The following VPS35L variants were observed in gnomAD, a reference collection of about 807,000 sequenced individuals.
VPS35L encodes the protein VPS35 endosomal protein sorting factor like.
VPS35L carries 83 observed loss-of-function variants against 133.0 expected under a neutral mutation model. The observed-to-expected ratio is 0.62, with a 90% CI of 0.52 to 0.75. VPS35L has a LOEUF of 0.75. Among genes scored for constraint, VPS35L ranks in the 30% least tolerant of loss-of-function variants. The probability of loss-of-function intolerance (pLI) is 0.00; values close to 1 mark genes in which losing one functional copy is unlikely to be tolerated. For synonymous variants in VPS35L, 423 were observed against 449.9 expected (o/e 0.94, Z 0.76); for missense variants, 1,083 against 1,206.8 (o/e 0.90, Z 1.52).
At chr16:19,644,829 C>T in intron 22 of VPS35L, 57 bp from the exon 23 acceptor site, 13 of 1,306,298 alleles carry the variant, frequency 1.0e-5, no homozygotes, top group Admixed American at 6.3e-5. Context: ...GTATTTTTTT[C>T]TTTAGAAACT....
chr16:19,596,036 C>T (rs1435652742), intron 8 of VPS35L, among the ~76,000 whole-genome samples: 2 of 151,832 alleles, frequency 1.3e-5, no homozygotes, highest in Non-Finnish European at 2.9e-5. Flanking sequence ...CCCAGCTACT[C>T]GGGAAGCTGA....
chr16:19,630,779 TTA>T (rs1326004809), intron 18 of VPS35L, among the ~76,000 whole-genome samples: 1 of 151,716 alleles, frequency 6.6e-6, no homozygotes, highest in African/African-American at 2.4e-5. Flanking sequence ...ATGAAGGAGA[TTA>T]ATGCCCTTAT....
intron 29 of VPS35L, among the ~76,000 whole-genome samples, chr16:19,695,515 T>C (rs1335429828): frequency 6.6e-6 from 1 of 152,120 alleles, no homozygotes; most frequent in African/African-American, 2.4e-5. Flanking sequence ...TATGTGCACA[T>C]TTATTAGAAA....
chr16:19,662,792 T>C (rs1299865808), intron 26 of VPS35L, among the ~76,000 whole-genome samples: 1 of 152,140 alleles, frequency 6.6e-6, no homozygotes, highest in East Asian at 1.9e-4. Context: ...GCTTGCGTTT[T>C]TCCTATAATT....
chr16:19,578,896 T>A, intron 5 of VPS35L, 156 bp from the exon 6 acceptor site: 1 of 702,950 alleles, frequency 1.4e-6, no homozygotes, highest in Non-Finnish European at 2.5e-6. Context: ...TCTGGTTACA[T>A]AAGGAAGTTG....
chr16:19,576,859 A>G (rs1971556440), intron 5 of VPS35L, among the ~76,000 whole-genome samples: 1 of 151,966 alleles, frequency 6.6e-6, no homozygotes, highest in African/African-American at 2.4e-5. Context: ...GGTGTGCACC[A>G]CCAGGCCCAG....
Position 19,591,893 on chromosome 16 carries a change from C to T in VPS35L, c.724+19C>T, listed in dbSNP as rs377010695. The T allele has an allele frequency of 6.0e-4, 920 of 1,526,396 alleles. No homozygotes were observed. The highest frequency in any genetic ancestry group is 8.0e-4 in the Non-Finnish European group (877 of 1,100,880). The allele number at this position is 1,526,396 out of a possible 1,614,324, so 94.6% of individuals were successfully genotyped here. On this transcript the variant is annotated intron_variant, in intron 8 of 30. Coordinates refer to ENST00000417362, the MANE Select transcript of VPS35L (RefSeq NM_020314.7). ...ACATTTGGTAAGTACCTGTCATATG[C>T]ATCTTAGATCTAGGAAATGTGTTCG...
chr16:19,570,834 C>CATATATATATATATAT (rs58794831), intron 3 of VPS35L, among the ~76,000 whole-genome samples: 10 of 78,792 alleles, frequency 1.3e-4, no homozygotes, highest in Admixed American at 2.8e-4. Context: ...TGCTGTGTTT[C>CATATATATATATATAT]ATATATATAT....
At chr16:19,564,160 C>T (rs1971111314) in intron 1 of VPS35L, among the ~76,000 whole-genome samples, 1 of 152,064 alleles carries the variant, frequency 6.6e-6, no homozygotes, top group Non-Finnish European at 1.5e-5. Flanking sequence ...CTTACTGCAA[C>T]CTCCGCCTCC....
chr16:19,565,077 A>G (rs1971146570), intron 2 of VPS35L, 127 bp downstream of exon 2: 25 of 598,388 alleles, frequency 4.2e-5, no homozygotes, highest in Non-Finnish European at 6.4e-5. Context: ...TTTTTTTTTC[A>G]GAGTCTTGCT....
chr16:19,677,331 C>T (rs1282805112), intron 27 of VPS35L, among the ~76,000 whole-genome samples: 5 of 152,260 alleles, frequency 3.3e-5, no homozygotes, highest in African/African-American at 4.8e-5. Flanking sequence ...GATCCACCTG[C>T]CTCGGCCTCC....
intron 26 of VPS35L, among the ~76,000 whole-genome samples, chr16:19,664,108 T>G (rs1040691142): frequency 2.6e-5 from 4 of 152,154 alleles, no homozygotes; most frequent in South Asian, 4.1e-4. Context: ...ATTTTGCCAG[T>G]GAGCATCCCT....
intron 8 of VPS35L, among the ~76,000 whole-genome samples, chr16:19,597,539 T>G (rs1270885392): frequency 1.3e-5 from 2 of 152,166 alleles, no homozygotes; most frequent in East Asian, 3.9e-4. Context: ...GAAACTGCGC[T>G]CGGTACCTTC....
At chr16:19,621,359 A>G (rs1973075088) in intron 14 of VPS35L, among the ~76,000 whole-genome samples, 1 of 152,372 alleles carries the variant, frequency 6.6e-6, no homozygotes, top group Non-Finnish European at 1.5e-5. Context: ...TTCTTGATGC[A>G]TGTCGATGTT....
In VPS35L at chr16:19,598,697, G is replaced by A. The variant is rs144828996; in HGVS notation, c.725-2967G>A. ...TACTCAGGAGGCAGAGGTGGGAGGA[G>A]CCCCTGAGCCCAGGAAGTTGAGGCT... On this transcript the variant is annotated intron_variant, in intron 8 of 30. Coordinates refer to ENST00000417362, the MANE Select transcript of VPS35L (RefSeq NM_020314.7). Among the ~76,000 whole-genome samples the A allele has an allele frequency of 1.0e-3, 153 of 151,926 alleles. No homozygotes were observed. The Middle Eastern group carries it at 0.014, about 14-fold the overall frequency.
intron 1 of VPS35L, among the ~76,000 whole-genome samples, chr16:19,557,360 A>G (rs1213795807): frequency 6.6e-6 from 1 of 152,132 alleles, no homozygotes; most frequent in Non-Finnish European, 1.5e-5. Context: ...TAGGGTCTCT[A>G]TAGTTCCTAA....
At chr16:19,572,982 T>C (rs1332593527) in intron 3 of VPS35L, 137 bp from the exon 4 acceptor site, 6 of 1,054,290 alleles carry the variant, frequency 5.7e-6, no homozygotes, top group Non-Finnish European at 7.7e-6. Context: ...GCGCTGTAAT[T>C]TTTTTTATGA....
chr16:19,672,363 G>A (rs1412176803), intron 27 of VPS35L, among the ~76,000 whole-genome samples: 1 of 152,230 alleles, frequency 6.6e-6, no homozygotes, highest in African/African-American at 2.4e-5. Flanking sequence ...GAGCTCCAGT[G>A]GATCCAGGTT....
intron 27 of VPS35L, among the ~76,000 whole-genome samples, chr16:19,675,821 A>AT (rs1336393654): frequency 9.2e-5 from 14 of 151,598 alleles, no homozygotes; most frequent in Non-Finnish European, 1.8e-4. Flanking sequence ...AAGTGCTGAG[A>AT]TTACAGGCAT....
Sources: allele counts gnomAD v4.1 joint callset (sites outside exome capture counted in the v4.1 genomes callset), GRCh38; gene constraint gnomAD v4.1.1; transcripts MANE v1.5; gene names NCBI Gene and HGNC (gene_info 2026-07-23, HGNC 2026-07-21).